Variants in OR4C11 observed in about 807,000 individuals in gnomAD.
OR4C11 encodes olfactory receptor family 4 subfamily C member 11.
Under a neutral mutation model 14.7 loss-of-function variants are expected in OR4C11, and 15 were observed. That is an observed-to-expected ratio of 1.02 (90% CI 0.68 to 1.58). The LOEUF is 1.58. Among genes scored for constraint, OR4C11 ranks in the 40% most tolerant of loss-of-function variants. The pLI is 0.00. For synonymous variants in OR4C11, 146 were observed against 135.0 expected (o/e 1.08, Z -0.57); for missense variants, 473 against 383.0 (o/e 1.24, Z -1.96).
At position 55,603,470 on chromosome 11, in the gene OR4C11, CA is replaced by C. The variant is rs1857910549; in HGVS notation, c.903del (p.His301GlnfsTer15). On this transcript the variant is annotated frameshift_variant, in exon 4 of 4. Transcript: ENST00000641580. LOFTEE classifies it high-confidence loss of function. ...CCTTTGTTTTCTGAAATAATTTTGC[CA>C]TGCCATAACTTTCTCATGGCATTTT... is the stretch of plus-strand genomic sequence containing the variant. ...EVKNAMRKLW[H>X]GKIISENKG 1 of 1,448,834 alleles carries C rather than the reference CA, an allele frequency of 6.9e-7. No individual in the cohort carries two copies. The highest frequency in any genetic ancestry group is 2.6e-5 in the East Asian group (1 of 38,438). The allele number at this position is 1,448,834 out of a possible 1,614,324, so 89.7% of individuals were successfully genotyped here. A position where few individuals can be genotyped will look rare whatever the true frequency, so the allele number is the denominator to read the frequency against.
At position 55,604,223 on chromosome 11, in the gene OR4C11, G is replaced by T. The variant is rs61730871; in HGVS notation, c.151C>A (p.Arg51=). Residue 51 remains arginine (R), a synonymous_variant, in exon 4 of 4, where the codon CGG becomes AGG. Coordinates refer to ENST00000641580, the MANE Select transcript of OR4C11 (RefSeq NM_001004700.3). ...MLIIVTIKSS[R]TLGSPMYFFL... ...AAGTACATGGGGCTTCCTAGTGTCC[G>T]GCTGGACTTGATGGTCACAATAATG... The T allele has an allele frequency of 3.4e-6, 5 of 1,478,746 alleles. No individual in the cohort carries two copies. Among genetic ancestry groups the T allele is most frequent in the Non-Finnish European group, 4.6e-6 (5 of 1,085,756 alleles). 91.6% of individuals were successfully genotyped at this position (1,478,746 alleles called of 1,614,324 possible). A position where few individuals can be genotyped will look rare whatever the true frequency, so the allele number is the denominator to read the frequency against.
chr11:55,604,618 C>G (rs904890272), intron 3 of OR4C11, among the ~76,000 whole-genome samples: 3 of 137,288 alleles, frequency 2.2e-5, no homozygotes, highest in Admixed American at 8.0e-5. Context: ...GCTCTGTCCT[C>G]TAGGCTGGAC....
At position 55,603,274 on chromosome 11, in the gene OR4C11, T is replaced by G; in HGVS notation, c.*167A>C. On this transcript the variant is annotated 3_prime_UTR_variant, in exon 4 of 4. Coordinates refer to ENST00000641580, the MANE Select transcript of OR4C11 (RefSeq NM_001004700.3). ...TACCTAGTTCTGGCACAAAAGACAA[T>G]GTCTTGGTAGTCACAACTCCTGTTA... 1 of 468,402 alleles carries G rather than the reference T, an allele frequency of 2.1e-6. No homozygotes were observed. Among genetic ancestry groups the G allele is most frequent in the South Asian group, 3.1e-5 (1 of 31,814 alleles). The allele number at this position is 468,402 out of a possible 1,614,324, so 29.0% of individuals were successfully genotyped here.
chr11:55,607,318 G>A lies in OR4C11; in HGVS notation c.-396C>T, dbSNP rs1317098278. 1 of 138,404 alleles carries A rather than the reference G, an allele frequency of 7.2e-6. No individual in the cohort carries two copies. The highest frequency in any genetic ancestry group is 2.4e-4 in the East Asian group (1 of 4,250). The allele number at this position is 138,404 out of a possible 1,614,324, so 8.6% of individuals were successfully genotyped here. A position where few individuals can be genotyped will look rare whatever the true frequency, so the allele number is the denominator to read the frequency against. On this transcript the variant is annotated 5_prime_UTR_variant, in exon 1 of 4. Transcript: ENST00000641580. ...GTGCCCATTTCCATCAAGAAATTCT[G>A]TGCATGATTTTTATTTCCATCTTTT...
Position 55,605,905 on chromosome 11 carries a change from G to A in OR4C11, c.-207+617C>T, listed in dbSNP as rs970494779. ...ACAAATAGTCTTGACAAAGGTGTGG[G>A]AAACCGTCAACCCTACAAACTTTTG... On this transcript the variant is annotated intron_variant, in intron 2 of 3. Coordinates refer to ENST00000641580, the MANE Select transcript of OR4C11 (RefSeq NM_001004700.3). Among the ~76,000 whole-genome samples the A allele has an allele frequency of 5.8e-5, 8 of 138,588 alleles. 1 individual carries two copies. The highest frequency in any genetic ancestry group is 2.0e-4 in the African/African-American group (8 of 39,984). 90.9% of individuals were successfully genotyped at this position (138,588 alleles called of 152,430 possible).
At position 55,603,931 on chromosome 11, in the gene OR4C11, A is replaced by T. The variant is rs775826210; in HGVS notation, c.443T>A (p.Ile148Lys). 4.0e-6 allele frequency: 6 copies of T among 1,488,492 alleles called. 1 individual carries two copies. The highest frequency in any genetic ancestry group is 5.5e-6 in the Non-Finnish European group (6 of 1,094,424). 92.2% of individuals were successfully genotyped at this position (1,488,492 alleles called of 1,614,324 possible). The change falls in exon 4 of 4, where the codon ATA becomes AAA. Residue 148 changes from isoleucine to lysine, a missense_variant. Physicochemically the swap from Ile to Lys is moderately radical, Grantham distance 102. Coordinates refer to ENST00000641580, the MANE Select transcript of OR4C11 (RefSeq NM_001004700.3). ...VCIILIVLAW[I>K]GSLIHSTAQI... is the part of the protein sequence containing the mutation. ...AGCTGTAGAGTGTATTAAAGACCCT[A>T]TCCAGGCAAGAACAATCAGGATGAT...
Position 55,604,192 on chromosome 11 carries a change from A to G in OR4C11, c.182T>C (p.Leu61Pro), listed in dbSNP as rs1857929905. 4 of 1,480,614 alleles carry G rather than the reference A, an allele frequency of 2.7e-6. No homozygotes were observed. The highest frequency in any genetic ancestry group is 1.4e-5 in the African/African-American group (1 of 72,684). 91.7% of individuals were successfully genotyped at this position (1,480,614 alleles called of 1,614,324 possible). Reference sequence around the variant, plus strand: ...AGAATCTGCAAAGGACAAATAAAATAGAAAGAAGTACATGGGGCTTCCTAG... The same window carrying G: ...AGAATCTGCAAAGGACAAATAAAATGGAAAGAAGTACATGGGGCTTCCTAG... ...RTLGSPMYFF[L>P]FYLSFADSCF... The change falls in exon 4 of 4, where the codon CTA (leucine) becomes CCA (proline). Residue 61 changes from leucine (L) to proline (P), a missense_variant. Leu to Pro is a moderately conservative substitution (Grantham distance 98). Transcript: ENST00000641580.
At position 55,604,659 on chromosome 11, in the gene OR4C11, A is replaced by G. The variant is rs1384375517; in HGVS notation, c.-44-242T>C. 2.9e-5 allele frequency among the ~76,000 whole-genome samples: 4 copies of G among 138,190 alleles called. 2 individuals carry two copies. Among genetic ancestry groups the G allele is most frequent in the African/African-American group, 1.0e-4 (4 of 39,948 alleles). The allele number at this position is 138,190 out of a possible 152,430, so 90.7% of individuals were successfully genotyped here. On this transcript the variant is annotated intron_variant, in intron 3 of 3. Coordinates refer to ENST00000641580, the MANE Select transcript of OR4C11 (RefSeq NM_001004700.3). ...TGGCATGACAAAATTACACATGAAAATAATACAATTAGAAATAGAAAAATA... is the reference window on the plus strand; with the variant it reads ...TGGCATGACAAAATTACACATGAAAGTAATACAATTAGAAATAGAAAAATA...
At chr11:55,605,055 A>G (rs1857942778) in intron 3 of OR4C11, 71 bp downstream of exon 3, 1 of 138,696 alleles carries the variant, frequency 7.2e-6, no homozygotes, top group African/African-American at 2.5e-5. Context: ...GCAAAAAGTC[A>G]ATCATTACAG....
Position 55,603,621 on chromosome 11 carries a change from TG to T in OR4C11, c.752del (p.Pro251HisfsTer37). ...GGGGGCGTGTATATATGAATATACA[TG>T]GGCCAAAGAATAAGATGACTACAAT... The part of the protein sequence containing the change: ...HIIVVILFFG[P>X]CIFIYTRPPT... On this transcript the variant is annotated frameshift_variant, in exon 4 of 4. Transcript: ENST00000641580. LOFTEE classifies it high-confidence loss of function. The T allele has an allele frequency of 6.7e-7, 1 of 1,485,486 alleles. No individual in the cohort carries two copies. Among genetic ancestry groups the T allele is most frequent in the Non-Finnish European group, 9.2e-7 (1 of 1,091,128 alleles). 92.0% of individuals were successfully genotyped at this position (1,485,486 alleles called of 1,614,324 possible).
At chr11:55,605,649 T>C (rs1224897170) in intron 2 of OR4C11, among the ~76,000 whole-genome samples, 1 of 138,576 alleles carries the variant, frequency 7.2e-6, no homozygotes, top group African/African-American at 2.5e-5. Context: ...GACAAAAGCA[T>C]AGCTTTTTAA....
chr11:55,607,525 T>A lies in OR4C11; in HGVS notation c.-603A>T, dbSNP rs1427507858. The A allele has an allele frequency of 5.1e-5, 7 of 138,454 alleles. 3 individuals carry two copies. The highest frequency in any genetic ancestry group is 6.4e-5 in the Non-Finnish European group (4 of 62,268). The allele number at this position is 138,454 out of a possible 1,614,324, so 8.6% of individuals were successfully genotyped here. The stretch of plus-strand genomic sequence containing the variant: ...GCTTTGATAAGAGAGTATGCTATAT[T>A]AGGATGTTCAATTGCCCTCTTTTCT... On this transcript the variant is annotated 5_prime_UTR_variant, in exon 1 of 4. Transcript: ENST00000641580.
Position 55,603,759 on chromosome 11 carries a change from G to T in OR4C11, c.615C>A (p.Cys205Ter). 1 of 1,490,334 alleles carries T rather than the reference G, an allele frequency of 6.7e-7. No homozygotes were observed. Among genetic ancestry groups the T allele is most frequent in the Non-Finnish European group, 9.1e-7 (1 of 1,095,526 alleles). 92.3% of individuals were successfully genotyped at this position (1,490,334 alleles called of 1,614,324 possible). ...LLLVSNSGAICSSSFMILIIS... is the reference protein window; with the variant it reads ...LLLVSNSGAI ...TTATCAAAATCATGAAACTACTTGA[G>T]CAAATTGCCCCACTGTTAGACACCA... Residue 205 changes from cysteine to a stop codon, truncating the protein, a stop_gained, in exon 4 of 4, where the codon TGC becomes TGA. Coordinates refer to ENST00000641580, the MANE Select transcript of OR4C11 (RefSeq NM_001004700.3). LOFTEE classifies it high-confidence loss of function.
rs1294970959 is a variant in OR4C11 at position 55,602,914 on chromosome 11, A to G, written c.*527T>C. 7.2e-6 allele frequency: 1 copy of G among 139,300 alleles called. No individual in the cohort carries two copies. The highest frequency in any genetic ancestry group is 1.6e-5 in the Non-Finnish European group (1 of 62,720). 8.6% of individuals were successfully genotyped at this position (139,300 alleles called of 1,614,324 possible). On this transcript the variant is annotated 3_prime_UTR_variant, in exon 4 of 4. Coordinates refer to ENST00000641580, the MANE Select transcript of OR4C11 (RefSeq NM_001004700.3). ...AAATGCATTAGGGAAGGAATTTGAC[A>G]TTTCTTTGTTGGTGCTCACAAATTT...
intron 1 of OR4C11, among the ~76,000 whole-genome samples, chr11:55,606,974 A>AAAAAAGTAGGTTAC (rs1857969539): frequency 7.2e-6 from 1 of 138,302 alleles, no homozygotes; most frequent in Non-Finnish European, 1.6e-5. Flanking sequence ...CAGCACTTAT[A>AAAAAAGTAGGTTAC]AAAAAGTAGG....
Position 55,603,666 on chromosome 11 carries a change from G to A in OR4C11, c.708C>T (p.Ser236=), listed in dbSNP as rs146621611. The change falls in exon 4 of 4, where the codon TCC becomes TCT. Residue 236 remains serine, a synonymous_variant. Coordinates refer to ENST00000641580, the MANE Select transcript of OR4C11 (RefSeq NM_001004700.3). ...CTACAATTATGTGAGACGTGCAAGC[G>A]GAGAGAGCCTTTTTCTTCCCTTTGG... ...HSAKGKKKAL[S]ACTSHIIVVI... is the part of the protein sequence containing the mutation. 9.3e-4 allele frequency: 1,371 copies of A among 1,479,260 alleles called. 154 individuals are homozygous for A. The African/African-American group carries it at 0.016, about 17-fold the overall frequency. 91.6% of individuals were successfully genotyped at this position (1,479,260 alleles called of 1,614,324 possible).
rs1240595426 is a variant in OR4C11, at chr11:55,607,482, C to T, written c.-560G>A. 3 of 138,478 alleles carry T rather than the reference C, an allele frequency of 2.2e-5. No homozygotes were observed. Among genetic ancestry groups the T allele is most frequent in the African/African-American group, 7.5e-5 (3 of 39,920 alleles). 8.6% of individuals were successfully genotyped at this position (138,478 alleles called of 1,614,324 possible). A position where few individuals can be genotyped will look rare whatever the true frequency, so the allele number is the denominator to read the frequency against. ...ATGTTAGATACGACTAAGTTATTCT[C>T]CTATACAGACCTTACCAGCTTTGAT... On this transcript the variant is annotated 5_prime_UTR_variant, in exon 1 of 4. Coordinates refer to ENST00000641580, the MANE Select transcript of OR4C11 (RefSeq NM_001004700.3).
In OR4C11 at chr11:55,603,471, A is replaced by T. The variant is rs1246675001; in HGVS notation, c.903T>A (p.His301Gln). The T allele has an allele frequency of 6.9e-6, 10 of 1,452,536 alleles. 2 individuals carry two copies. Among genetic ancestry groups the T allele is most frequent in the Non-Finnish European group, 7.4e-6 (8 of 1,073,986 alleles). The allele number at this position is 1,452,536 out of a possible 1,614,324, so 90.0% of individuals were successfully genotyped here. ...EVKNAMRKLW[H>Q]GKIISENKG ...CTTTGTTTTCTGAAATAATTTTGCC[A>T]TGCCATAACTTTCTCATGGCATTTT... The change falls in exon 4 of 4, where the codon CAT becomes CAA. Residue 301 changes from histidine to glutamine, a missense_variant. Transcript: ENST00000641580.
intron 2 of OR4C11, 32 bp downstream of exon 2, chr11:55,606,490 C>T (rs1363697993): frequency 1.5e-5 from 2 of 137,854 alleles, no homozygotes; most frequent in African/African-American, 5.0e-5. Context: ...CATAATAATG[C>T]TACATCGAAA....
Sources: gnomAD v4.1 joint callset for allele counts (sites outside exome capture counted in the v4.1 genomes callset) on GRCh38, gnomAD v4.1.1 for gene constraint, MANE v1.5 for transcripts, NCBI Gene and HGNC (gene_info 2026-07-23, HGNC 2026-07-21) for gene names.